The following GRID2 variants were observed in gnomAD, a reference collection of about 807,000 sequenced individuals.
GRID2 encodes glutamate receptor ionotropic, delta-2.
A neutral mutation model predicts 114.8 loss-of-function variants in GRID2; 33 were observed. That is an observed-to-expected ratio of 0.29 (90% CI 0.22 to 0.38). The LOEUF is 0.38. GRID2 is among the 10% of genes least tolerant of loss of function. The pLI is 1.00. For synonymous variants in GRID2, 505 were observed against 449.9 expected, an observed-to-expected ratio of 1.12 and a Z score of -1.55; for missense variants, 1,184 against 1,257.7, an observed-to-expected ratio of 0.94 and a Z score of 0.89.
intron 2 of GRID2, among the ~76,000 whole-genome samples, chr4:92,907,004 A>C (rs1423212473): frequency 6.6e-6 from 1 of 152,188 alleles, no homozygotes; most frequent in East Asian, 1.9e-4. Flanking sequence ...TCATAGGTAC[A>C]TAAAAGTTTA....
At chr4:93,508,267 G>A (rs1173494853) in intron 12 of GRID2, among the ~76,000 whole-genome samples, 8 of 149,410 alleles carry the variant, frequency 5.4e-5, no homozygotes, top group Admixed American at 3.4e-4. Context: ...GTGTGATATC[G>A]GCTCACTGCA....
chr4:92,834,626 A>G (rs1245897297), intron 2 of GRID2, among the ~76,000 whole-genome samples: 1 of 152,194 alleles, frequency 6.6e-6, no homozygotes, highest in Non-Finnish European at 1.5e-5. Context: ...ACTGCATCAG[A>G]GAAGAGGTAC....
intron 1 of GRID2, among the ~76,000 whole-genome samples, chr4:92,444,436 C>T (rs550138073): frequency 2.6e-4 from 39 of 152,042 alleles, no homozygotes; most frequent in Non-Finnish European, 4.7e-4. Flanking sequence ...GTGCTTTTGG[C>T]GCCAGGATGA....
intron 1 of GRID2, among the ~76,000 whole-genome samples, chr4:92,462,855 C>T (rs913241357): frequency 6.6e-6 from 1 of 151,956 alleles, no homozygotes; most frequent in African/African-American, 2.4e-5. Flanking sequence ...TCAGAGAAAG[C>T]TCCCTTTTCT....
intron 13 of GRID2, among the ~76,000 whole-genome samples, chr4:93,538,835 A>T (rs577541773): frequency 2.6e-5 from 4 of 151,958 alleles, no homozygotes; most frequent in East Asian, 1.9e-4. Flanking sequence ...AACAAGACAT[A>T]ACAACTAAAT....
At chr4:93,604,839 G>T (rs1345574009) in intron 13 of GRID2, among the ~76,000 whole-genome samples, 1 of 152,122 alleles carries the variant, frequency 6.6e-6, no homozygotes, top group Non-Finnish European at 1.5e-5. Context: ...TTTTTAATTC[G>T]GGTATGTACA....
At chr4:93,596,266 A>C (rs766304634) in intron 13 of GRID2, among the ~76,000 whole-genome samples, 4 of 152,190 alleles carry the variant, frequency 2.6e-5, no homozygotes, top group Non-Finnish European at 4.4e-5. Flanking sequence ...ATACCCCAAT[A>C]TGGCTTTCTT....
At chr4:93,279,266 A>G (rs1242630303) in intron 8 of GRID2, among the ~76,000 whole-genome samples, 1 of 151,790 alleles carries the variant, frequency 6.6e-6, no homozygotes, top group African/African-American at 2.4e-5. Flanking sequence ...TAAATTATTC[A>G]GTTGTATATT....
intron 10 of GRID2, among the ~76,000 whole-genome samples, chr4:93,430,323 C>T (rs369828602): frequency 1.5e-3 from 235 of 152,070 alleles, no homozygotes; most frequent in African/African-American, 4.9e-3. Flanking sequence ...TGTGATTACA[C>T]GCACCCACCA....
rs78754206 is a variant in GRID2 at position 92,474,437 on chromosome 4, A to G, written c.89-115694A>G. Among the ~76,000 whole-genome samples the G allele has an allele frequency of 5.6e-3, 850 of 152,266 alleles. 10 individuals carry two copies. The highest frequency in any genetic ancestry group is 0.02 in the African/African-American group (826 of 41,574). ...TTACCCACTGATGAACACAAGGTTGATTCCACATTTTAGGTATTGTGAATA... is the reference window on the plus strand; with the variant it reads ...TTACCCACTGATGAACACAAGGTTGGTTCCACATTTTAGGTATTGTGAATA... On this transcript the variant is annotated intron_variant, in intron 1 of 15. Coordinates refer to ENST00000282020, the MANE Select transcript of GRID2 (RefSeq NM_001510.4).
intron 13 of GRID2, among the ~76,000 whole-genome samples, chr4:93,576,081 C>A (rs996175582): frequency 6.6e-6 from 1 of 152,146 alleles, no homozygotes; most frequent in African/African-American, 2.4e-5. Flanking sequence ...ATATAGAATT[C>A]ACTTACCTGT....
At chr4:93,683,941 TAGGGA>T (rs1725841046) in intron 14 of GRID2, among the ~76,000 whole-genome samples, 2 of 152,186 alleles carry the variant, frequency 1.3e-5, no homozygotes, top group South Asian at 4.1e-4. Flanking sequence ...GCAAAAGGTA[TAGGGA>T]CCACTGCAAT....
rs1259895089 is a variant in GRID2, at chr4:93,774,107, A to G, written c.*1609A>G. ...TTTGCTTTAGGAGAAATTAAAAGGT[A>G]TATTCTTAAGATATATTATATTTTG... On this transcript the variant is annotated 3_prime_UTR_variant, in exon 16 of 16. Coordinates refer to ENST00000282020, the MANE Select transcript of GRID2 (RefSeq NM_001510.4). 6.6e-6 allele frequency: 1 copy of G among 152,112 alleles called. No individual in the cohort carries two copies. Among genetic ancestry groups the G allele is most frequent in the African/African-American group, 2.4e-5 (1 of 41,446 alleles). 9.4% of individuals were successfully genotyped at this position (152,112 alleles called of 1,614,324 possible). A position where few individuals can be genotyped will look rare whatever the true frequency, so the allele number is the denominator to read the frequency against.
chr4:92,564,899 T>C (rs1727263306), intron 1 of GRID2, among the ~76,000 whole-genome samples: 1 of 152,010 alleles, frequency 6.6e-6, no homozygotes, highest in Non-Finnish European at 1.5e-5. Flanking sequence ...GTCAGTGTAG[T>C]TTGTAGGTCT....
At chr4:92,442,149 C>T (rs1016805825) in intron 1 of GRID2, among the ~76,000 whole-genome samples, 184 of 127,734 alleles carry the variant, frequency 1.4e-3, no homozygotes, top group African/African-American at 3.0e-3. Context: ...ACGGGCTTAC[C>T]TTCCACTGTG....
At chr4:92,931,925 A>G (rs909176284) in intron 2 of GRID2, among the ~76,000 whole-genome samples, 1 of 151,270 alleles carries the variant, frequency 6.6e-6, no homozygotes, top group African/African-American at 2.4e-5. Context: ...TGCATAAAAT[A>G]TGTAAACCAT....
At chr4:92,854,036 T>A (rs749052927) in intron 2 of GRID2, among the ~76,000 whole-genome samples, 10 of 151,520 alleles carry the variant, frequency 6.6e-5, no homozygotes, top group Non-Finnish European at 1.3e-4. Context: ...TGTGAACAGA[T>A]CTGTGGTGCA....
At chr4:92,305,874 T>G (rs113753132) in intron 1 of GRID2, among the ~76,000 whole-genome samples, 5 of 152,354 alleles carry the variant, frequency 3.3e-5, no homozygotes, top group African/African-American at 1.2e-4. Context: ...AAGGTTTCTT[T>G]GCTGGGCTGC....
intron 2 of GRID2, among the ~76,000 whole-genome samples, chr4:92,768,156 T>A (rs1273332718): frequency 1.3e-5 from 2 of 152,218 alleles, no homozygotes; most frequent in African/African-American, 4.8e-5. Context: ...CACAAAACCC[T>A]TTCAAGAAAA....
Sources: allele counts gnomAD v4.1 joint callset (sites outside exome capture counted in the v4.1 genomes callset), GRCh38; gene constraint gnomAD v4.1.1; transcripts MANE v1.5; gene names NCBI Gene and HGNC (gene_info 2026-07-23, HGNC 2026-07-21).